The following POMK variants were observed in gnomAD, a reference collection of about 807,000 sequenced individuals.
POMK encodes Sugen kinase 196.
Under a neutral mutation model 23.0 loss-of-function variants are expected in POMK, and 19 were observed. That is an observed-to-expected ratio of 0.83 (90% CI 0.58 to 1.21). The LOEUF (loss-of-function observed/expected upper bound fraction) is 1.21, where lower values mean the gene tolerates loss of function less well. Ranked by LOEUF, POMK falls within the 50% of genes most tolerant of loss-of-function variation. POMK has a pLI of 0.00. For synonymous variants in POMK, 173 were observed against 171.6 expected (o/e 1.01, Z -0.06); for missense variants, 410 against 431.3 (o/e 0.95, Z 0.44).
intron 4 of POMK, among the ~76,000 whole-genome samples, chr8:43,105,619 A>G (rs1811529800): frequency 1.3e-5 from 2 of 152,154 alleles, no homozygotes; most frequent in Non-Finnish European, 1.5e-5. Context: ...TATCTTGGCT[A>G]TTGTGAATAG....
intron 2 of POMK, among the ~76,000 whole-genome samples, chr8:43,101,818 G>A (rs1811448936): frequency 6.6e-6 from 1 of 152,168 alleles, no homozygotes; most frequent in South Asian, 2.1e-4. Context: ...ATCCAAAGGG[G>A]GTTTTTGACA....
intron 4 of POMK, among the ~76,000 whole-genome samples, chr8:43,119,654 G>A (rs1007645323): frequency 2.6e-5 from 4 of 151,864 alleles, no homozygotes; most frequent in Non-Finnish European, 5.9e-5. Context: ...GGCTGGTCTC[G>A]ATCTCCTGAC....
intron 4 of POMK, among the ~76,000 whole-genome samples, chr8:43,119,512 A>G (rs918296862): frequency 2.2e-5 from 3 of 135,168 alleles, no homozygotes; most frequent in Non-Finnish European, 4.5e-5. Context: ...GGCTCACTTC[A>G]GCCTCTGCCT....
rs1223393516 is a variant in POMK, at chr8:43,093,919, A to T, written c.-210+356A>T. On this transcript the variant is annotated intron_variant, in intron 1 of 4. Transcript: ENST00000331373. Reference sequence around the variant, plus strand: ...AACATGGCGGAACTTCTGTCTCCGTAAAAAAGCACTTAGCCGGGCGCGGTG... The same window carrying T: ...AACATGGCGGAACTTCTGTCTCCGTTAAAAAGCACTTAGCCGGGCGCGGTG... Among the ~76,000 whole-genome samples the T allele has an allele frequency of 5.3e-5, 8 of 152,346 alleles. No homozygotes were observed. The East Asian group carries it at 9.7e-4, about 18-fold the overall frequency.
chr8:43,122,318 A>T lies in POMK; in HGVS notation c.494A>T (p.Asn165Ile). Residue 165 changes from asparagine (N) to isoleucine (I), a missense_variant, in exon 5 of 5, where the codon AAC becomes ATC. By Grantham distance (149) the Asn-to-Ile change is moderately radical. Coordinates refer to ENST00000331373, the MANE Select transcript of POMK (RefSeq NM_032237.5). ...TTGAGTAACCTGGAAGAAACACTAA[A>T]CCTTTCAAAGTACCAAAATGTGAAC... Reference protein sequence around the residue: ...GSLSNLEETLNLSKYQNVNTW... With the variant: ...GSLSNLEETLILSKYQNVNTW... The T allele has an allele frequency of 6.2e-7, 1 of 1,614,080 alleles. No homozygotes were observed. Among genetic ancestry groups the T allele is most frequent in the Non-Finnish European group, 8.5e-7 (1 of 1,180,006 alleles).
chr8:43,096,717 A>G (rs1231577240), intron 1 of POMK, among the ~76,000 whole-genome samples: 5 of 152,228 alleles, frequency 3.3e-5, no homozygotes, highest in Non-Finnish European at 7.3e-5. Flanking sequence ...TGCATGTATC[A>G]GAGAAACTTC....
At chr8:43,106,854 ATCTTAT>A in intron 4 of POMK, among the ~76,000 whole-genome samples, 1 of 152,100 alleles carries the variant, frequency 6.6e-6, no homozygotes, top group Non-Finnish European at 1.5e-5. Context: ...GTTTTGTAGC[ATCTTAT>A]TCTTAAGGTG....
At chr8:43,122,073 T>A (rs779993970) in intron 4 of POMK, 34 bp from the exon 5 acceptor site, 33 of 1,597,850 alleles carry the variant, frequency 2.1e-5, no homozygotes, top group Non-Finnish European at 1.7e-6. Context: ...TAGGTGAGAG[T>A]TCAGGCCTGA....
intron 3 of POMK, among the ~76,000 whole-genome samples, chr8:43,103,109 G>T (rs369824928): frequency 2.6e-5 from 4 of 152,290 alleles, no homozygotes; most frequent in East Asian, 1.9e-4. Context: ...TTCGACAGAG[G>T]CCCTCAGCTT....
At chr8:43,097,132 G>T (rs1811350902) in intron 1 of POMK, among the ~76,000 whole-genome samples, 1 of 152,206 alleles carries the variant, frequency 6.6e-6, no homozygotes, top group Non-Finnish European at 1.5e-5. Context: ...TAGATAGACA[G>T]CATGTATAGG....
intron 1 of POMK, among the ~76,000 whole-genome samples, chr8:43,094,020 G>A (rs1811279970): frequency 6.6e-6 from 1 of 152,262 alleles, no homozygotes; most frequent in African/African-American, 2.4e-5. Flanking sequence ...GGAGGTTTCA[G>A]TGAGCCGAAA....
At chr8:43,122,058 T>G (rs1212701333) in intron 4 of POMK, 49 bp from the exon 5 acceptor site, 1 of 1,558,730 alleles carries the variant, frequency 6.4e-7, no homozygotes, top group East Asian at 2.2e-5. Context: ...CTTTGGTCAC[T>G]AAATTAGGTG....
intron 4 of POMK, among the ~76,000 whole-genome samples, chr8:43,111,170 A>G (rs1204744212): frequency 1.3e-5 from 2 of 152,164 alleles, no homozygotes; most frequent in Non-Finnish European, 2.9e-5. Context: ...TCCCTTTTCT[A>G]GTCAAAGAAA....
chr8:43,119,273 T>C (rs1368726905), intron 4 of POMK, among the ~76,000 whole-genome samples: 2 of 152,152 alleles, frequency 1.3e-5, no homozygotes, highest in Non-Finnish European at 2.9e-5. Context: ...CAGTTGTTCG[T>C]ATTAGAGCCA....
In POMK at chr8:43,122,999, T is replaced by C; in HGVS notation, c.*122T>C. The C allele has an allele frequency of 1.2e-6, 1 of 825,106 alleles. No individual in the cohort carries two copies. The highest frequency in any genetic ancestry group is 1.9e-6 in the Non-Finnish European group (1 of 531,020). The allele number at this position is 825,106 out of a possible 1,614,324, so 51.1% of individuals were successfully genotyped here. On this transcript the variant is annotated 3_prime_UTR_variant, in exon 5 of 5. Transcript: ENST00000331373. Reference sequence around the variant, plus strand: ...TATTGTTTTTTTTATGGCTTAGCCATGTGGTTCGTTGTCCACATCCACATG... The same window carrying C: ...TATTGTTTTTTTTATGGCTTAGCCACGTGGTTCGTTGTCCACATCCACATG...
intron 4 of POMK, 80 bp downstream of exon 4, chr8:43,103,910 C>A: frequency 7.2e-7 from 1 of 1,393,576 alleles, no homozygotes. Context: ...TCCATGCTGG[C>A]ACGGATTACG....
chr8:43,112,194 A>G (rs1044899064), intron 4 of POMK, among the ~76,000 whole-genome samples: 1 of 152,238 alleles, frequency 6.6e-6, no homozygotes, highest in Non-Finnish European at 1.5e-5. Context: ...ATGGCTAACT[A>G]GAATAACCAA....
intron 3 of POMK, 52 bp from the exon 4 acceptor site, chr8:43,103,476 A>T: frequency 6.4e-7 from 1 of 1,559,932 alleles, no homozygotes; most frequent in Admixed American, 1.8e-5. Context: ...TTTGGAAATG[A>T]AAGGAAGTGA....
chr8:43,109,326 CCT>C (rs1376964740), intron 4 of POMK, among the ~76,000 whole-genome samples: 1 of 150,944 alleles, frequency 6.6e-6, no homozygotes, highest in Admixed American at 6.6e-5. Flanking sequence ...CTGATTGCCT[CCT>C]CTCTCTCCCC....
Sources: allele counts gnomAD v4.1 joint callset (sites outside exome capture counted in the v4.1 genomes callset), GRCh38; gene constraint gnomAD v4.1.1; transcripts MANE v1.5; gene names NCBI Gene and HGNC (gene_info 2026-07-23, HGNC 2026-07-21).